The following WAC variants were observed in gnomAD, a reference collection of about 807,000 sequenced individuals.
The protein encoded by WAC is WW domain-containing adapter protein with coiled-coil.
In WAC, 11 loss-of-function variants were observed where a neutral mutation model predicts 79.6. The ratio of observed to expected loss-of-function variants is 0.14; its 90% CI spans 0.09 to 0.23. The LOEUF is 0.23. Ranked by LOEUF, WAC falls within the 10% of genes least tolerant of loss-of-function variation. WAC has a pLI of 1.00. For synonymous variants in WAC, 304 were observed against 276.9 expected (o/e 1.10, Z -0.97); for missense variants, 728 against 773.5 (o/e 0.94, Z 0.70).
rs35250089 is a variant in WAC, at chr10:28,566,952, GT to G, written c.275-16434del. Among the ~76,000 whole-genome samples the G allele has an allele frequency of 3.9e-3, 535 of 136,346 alleles. 1 individual carries two copies. Among genetic ancestry groups the G allele is most frequent in the Admixed American group, 7.6e-3 (105 of 13,894 alleles). 89.4% of individuals were successfully genotyped at this position (136,346 alleles called of 152,430 possible). ...TATTATCCCCTTGAATGTCCTCCCT[GT>G]TTTTTTTTTTTTCAGGACCTTCAGT... On this transcript the variant is annotated intron_variant, in intron 3 of 13. Transcript: ENST00000354911.
intron 3 of WAC, among the ~76,000 whole-genome samples, chr10:28,540,671 TTGAC>T (rs1485760436): frequency 3.9e-5 from 6 of 152,336 alleles, no homozygotes; most frequent in South Asian, 4.1e-4. Context: ...AATAATACGT[TTGAC>T]TGATGTTAAG....
chr10:28,580,261 G>C (rs1352583642), intron 3 of WAC, among the ~76,000 whole-genome samples: 1 of 152,178 alleles, frequency 6.6e-6, no homozygotes, highest in Non-Finnish European at 1.5e-5. Flanking sequence ...CTTCTGTCAG[G>C]CTGGTGGAAG....
intron 4 of WAC, among the ~76,000 whole-genome samples, chr10:28,583,796 A>G (rs934968939): frequency 1.1e-4 from 17 of 152,142 alleles, no homozygotes; most frequent in Admixed American, 5.2e-4. Context: ...GATAAAAAGA[A>G]CTTCAGGCTG....
intron 13 of WAC, 98 bp from the exon 14 acceptor site, chr10:28,619,439 C>CA (rs1220335198): frequency 2.3e-6 from 2 of 874,374 alleles, no homozygotes; most frequent in Non-Finnish European, 3.4e-6. Context: ...AATTAGAAAT[C>CA]ACTTGTTTTA....
chr10:28,593,818 C>T (rs1007281702), intron 6 of WAC, among the ~76,000 whole-genome samples: 2 of 151,922 alleles, frequency 1.3e-5, no homozygotes, highest in Non-Finnish European at 2.9e-5. Context: ...TTTTAATTTG[C>T]GTTTAACTGC....
intron 3 of WAC, among the ~76,000 whole-genome samples, chr10:28,541,024 TATG>T (rs1564372368): frequency 6.6e-6 from 1 of 152,200 alleles, no homozygotes; most frequent in African/African-American, 2.4e-5. Context: ...AGATGGTTAT[TATG>T]TATTGTTTAT....
At chr10:28,551,503 C>T (rs1039618892) in intron 3 of WAC, among the ~76,000 whole-genome samples, 8 of 152,192 alleles carry the variant, frequency 5.3e-5, no homozygotes, top group African/African-American at 1.4e-4. Flanking sequence ...GTTGAATTCA[C>T]ATCTTGTGGA....
chr10:28,612,961 A>G (rs545487989), intron 10 of WAC, among the ~76,000 whole-genome samples: 1 of 152,314 alleles, frequency 6.6e-6, no homozygotes, highest in East Asian at 1.9e-4. Context: ...TATTGGTTTT[A>G]TAGTCACTTG....
intron 3 of WAC, among the ~76,000 whole-genome samples, chr10:28,541,785 C>G (rs1255908749): frequency 6.6e-6 from 1 of 152,082 alleles, no homozygotes; most frequent in East Asian, 1.9e-4. Flanking sequence ...AAATTATACT[C>G]CAAGTATAAC....
chr10:28,555,926 G>C (rs977979079), intron 3 of WAC, among the ~76,000 whole-genome samples: 1 of 152,032 alleles, frequency 6.6e-6, no homozygotes. Context: ...TACACAGTCT[G>C]GTATTCAGTT....
chr10:28,572,422 C>T (rs1246354421), intron 3 of WAC, among the ~76,000 whole-genome samples: 1 of 150,744 alleles, frequency 6.6e-6, no homozygotes, highest in Non-Finnish European at 1.5e-5. Context: ...AAAGGCTTTT[C>T]TGAGGATGTG....
At position 28,583,525 on chromosome 10, in the gene WAC, C is replaced by A; in HGVS notation, c.381+20C>A. On this transcript the variant is annotated intron_variant, in intron 4 of 13. Coordinates refer to ENST00000354911, the MANE Select transcript of WAC (RefSeq NM_016628.5). ...GATGCAGTAAGTATTATAAACATGT[C>A]CAATATGGTTTCTTTGGAATTTTTT... 6 of 1,409,598 alleles carry A rather than the reference C, an allele frequency of 4.3e-6. No individual in the cohort carries two copies. Among genetic ancestry groups the A allele is most frequent in the South Asian group, 3.0e-5 (2 of 65,874 alleles). The allele number at this position is 1,409,598 out of a possible 1,614,324, so 87.3% of individuals were successfully genotyped here.
intron 3 of WAC, among the ~76,000 whole-genome samples, chr10:28,565,514 A>G (rs1838553382): frequency 6.6e-6 from 1 of 152,214 alleles, no homozygotes; most frequent in African/African-American, 2.4e-5. Flanking sequence ...CTGGGACTAC[A>G]GGTGTGCACC....
At chr10:28,553,866 T>C (rs1837838904) in intron 3 of WAC, among the ~76,000 whole-genome samples, 1 of 152,158 alleles carries the variant, frequency 6.6e-6, no homozygotes, top group Non-Finnish European at 1.5e-5. Flanking sequence ...ATAAGTAATC[T>C]AGAGATTTTT....
chr10:28,607,389 T>A (rs570820690), intron 7 of WAC, among the ~76,000 whole-genome samples: 1 of 152,326 alleles, frequency 6.6e-6, no homozygotes, highest in South Asian at 2.1e-4. Flanking sequence ...TGTTACTAGC[T>A]TGTCAAATAG....
chr10:28,555,540 G>A (rs1837934836), intron 3 of WAC, among the ~76,000 whole-genome samples: 1 of 152,160 alleles, frequency 6.6e-6, no homozygotes. Context: ...GCATGAGCAA[G>A]TGGGAATTCA....
rs926855638 is a variant in WAC at position 28,616,220 on chromosome 10, G to A, written c.1604G>A (p.Ser535Asn). The change falls in exon 12 of 14, where the codon AGT (serine) becomes AAT (asparagine). Residue 535 changes from serine to asparagine, a missense_variant. Ser to Asn is a conservative substitution (Grantham distance 46). This residue lies in a region of WAC where 648 missense variants were observed against 661.5 expected (regional missense o/e 0.98). Coordinates refer to ENST00000354911, the MANE Select transcript of WAC (RefSeq NM_016628.5). ...GGTCCCAATCATACTTCTAATAGTA[G>A]TAATGCATCAAATGCAACAGTTGTA... ...SPGPNHTSNSSNASNATVVPQ... is the reference protein window; with the variant it reads ...SPGPNHTSNSNNASNATVVPQ... 1.2e-6 allele frequency: 2 copies of A among 1,613,352 alleles called. No individual in the cohort carries two copies. The highest frequency in any genetic ancestry group is 1.7e-4 in the Middle Eastern group (1 of 6,058).
intron 3 of WAC, among the ~76,000 whole-genome samples, chr10:28,546,731 G>C (rs1334428644): frequency 6.6e-6 from 1 of 152,066 alleles, no homozygotes; most frequent in Non-Finnish European, 1.5e-5. Flanking sequence ...CTTTGAGTTT[G>C]ACCAATTTTA....
At chr10:28,602,374 T>TA (rs1840685979) in intron 7 of WAC, among the ~76,000 whole-genome samples, 1 of 152,200 alleles carries the variant, frequency 6.6e-6, no homozygotes, top group African/African-American at 2.4e-5. Context: ...GATACATGAG[T>TA]AAAAATATGA....
Sources: gnomAD v4.1 joint callset for allele counts (sites outside exome capture counted in the v4.1 genomes callset) on GRCh38, gnomAD v4.1.1 for gene constraint, gnomAD v4.1.1 regional missense constraint, MANE v1.5 for transcripts, NCBI Gene and HGNC (gene_info 2026-07-23, HGNC 2026-07-21) for gene names.